Variants in FRYL observed in about 807,000 individuals in gnomAD.
FRYL encodes FRY like transcription coactivator.
A neutral mutation model predicts 351.2 loss-of-function variants in FRYL; 150 were observed. The observed-to-expected ratio is 0.43, with a 90% CI of 0.37 to 0.49. The LOEUF is 0.49. Among genes scored for constraint, FRYL ranks in the 20% least tolerant of loss-of-function variants. The pLI, the probability that FRYL is intolerant of heterozygous loss-of-function variation, is 0.00. For missense variants in FRYL, 3,036 were observed against 3,619.3 expected (o/e 0.84, Z 4.13); for synonymous variants, 1,153 against 1,257.1 (o/e 0.92, Z 1.75).
At position 48,561,505 on chromosome 4, in the gene FRYL, T is replaced by TG; in HGVS notation, c.3827dup (p.Arg1277LysfsTer5). On this transcript the variant is annotated frameshift_variant, in exon 33 of 64. Transcript: ENST00000358350. LOFTEE classifies it high-confidence loss of function. Reference sequence around the variant, plus strand: ...CGAGAGTTAGCTCAGGATACGCCCTTGCTAGTTCCTCGGACAACTGATAAT... The same window carrying TG: ...CGAGAGTTAGCTCAGGATACGCCCTTGGCTAGTTCCTCGGACAACTGATAAT... 2 of 1,611,078 alleles carry TG rather than the reference T, an allele frequency of 1.2e-6. No homozygotes were observed. Among genetic ancestry groups the TG allele is most frequent in the Non-Finnish European group, 1.7e-6 (2 of 1,178,188 alleles).
intron 19 of FRYL, among the ~76,000 whole-genome samples, chr4:48,584,022 T>C (rs1741528899): frequency 6.6e-6 from 1 of 151,972 alleles, no homozygotes; most frequent in Non-Finnish European, 1.5e-5. Context: ...ATCAAAACAA[T>C]ATGGGGCTTT....
chr4:48,652,204 G>A (rs1478477578), intron 3 of FRYL, among the ~76,000 whole-genome samples: 1 of 152,174 alleles, frequency 6.6e-6, no homozygotes, highest in Non-Finnish European at 1.5e-5. Context: ...TAGTTCACAA[G>A]TACCTAAACA....
In FRYL at chr4:48,567,336, T is replaced by C; in HGVS notation, c.3081A>G (p.Glu1027=). 1 of 1,612,850 alleles carries C rather than the reference T, an allele frequency of 6.2e-7. No individual in the cohort carries two copies. The highest frequency in any genetic ancestry group is 8.5e-7 in the Non-Finnish European group (1 of 1,179,290). ...EYVDLTRQLL[E]AENEKDSDTL... is the part of the protein sequence containing the mutation. The stretch of plus-strand genomic sequence containing the variant: ...TGTCAGAGTCTTTTTCATTTTCTGC[T>C]TCCAGGAGTTGTCTAGTTAAATCTA... Residue 1027 remains glutamate (E), a synonymous_variant, in exon 28 of 64, where the codon GAA becomes GAG. Coordinates refer to ENST00000358350, the MANE Select transcript of FRYL (RefSeq NM_015030.2). This position sits in a 1 kb window ranked among gnomAD's most constrained non-coding sequence, Gnocchi z 4.2.
chr4:48,664,425 T>C (rs897283189), intron 3 of FRYL, among the ~76,000 whole-genome samples: 1 of 152,192 alleles, frequency 6.6e-6, no homozygotes, highest in Admixed American at 6.5e-5. Context: ...AGGAAACAGA[T>C]TTCCAATTTT....
intron 1 of FRYL, among the ~76,000 whole-genome samples, chr4:48,778,079 C>G (rs1156616176): frequency 1.3e-5 from 2 of 152,184 alleles, no homozygotes; most frequent in African/African-American, 2.4e-5. Flanking sequence ...CACCTGTAGT[C>G]CCGGCTACTA....
At chr4:48,760,692 T>G (rs928275637) in intron 1 of FRYL, among the ~76,000 whole-genome samples, 1 of 152,134 alleles carries the variant, frequency 6.6e-6, no homozygotes, top group African/African-American at 2.4e-5. Flanking sequence ...ATTTATTTAT[T>G]TAGAGACAGA....
intron 3 of FRYL, among the ~76,000 whole-genome samples, chr4:48,643,327 TC>T (rs1282313794): frequency 6.6e-6 from 1 of 151,702 alleles, no homozygotes; most frequent in Admixed American, 6.6e-5. Flanking sequence ...GGAAAGGGGC[TC>T]CCTCCTACTA....
intron 3 of FRYL, among the ~76,000 whole-genome samples, chr4:48,677,689 G>A (rs1300125886): frequency 6.6e-6 from 1 of 152,158 alleles, no homozygotes; most frequent in Non-Finnish European, 1.5e-5. Context: ...GGGATTACAA[G>A]CGTGAGCCAC....
intron 3 of FRYL, among the ~76,000 whole-genome samples, chr4:48,644,154 C>G (rs1437444470): frequency 1.3e-5 from 2 of 152,108 alleles, no homozygotes; most frequent in African/African-American, 2.4e-5. Context: ...GTTGGTCAGG[C>G]TGATCTCGAA....
chr4:48,687,866 A>G (rs918190765), intron 2 of FRYL, among the ~76,000 whole-genome samples: 4 of 152,196 alleles, frequency 2.6e-5, no homozygotes, highest in African/African-American at 7.2e-5. Context: ...TGAGCTCAAC[A>G]TAAGGAAAAA....
intron 47 of FRYL, among the ~76,000 whole-genome samples, chr4:48,539,414 T>C (rs1229137044): frequency 2.0e-5 from 3 of 152,270 alleles, no homozygotes; most frequent in East Asian, 3.9e-4. Flanking sequence ...CCAGGGACCT[T>C]ACTTTGGTTT....
rs1310046070 is a variant in FRYL at position 48,723,978 on chromosome 4, A to T, written c.-383-13280T>A. Among the ~76,000 whole-genome samples, 10 of 150,126 alleles carry T rather than the reference A, an allele frequency of 6.7e-5. No individual in the cohort carries two copies. In the South Asian group the frequency reaches 2.1e-3, roughly 31 times the overall value. On this transcript the variant is annotated intron_variant, in intron 1 of 63. Transcript: ENST00000358350. ...AATAATAATAATAATAACAAAAAAA[A>T]TTAGGTGGGTGTGGTGGCACACACC...
intron 18 of FRYL, among the ~76,000 whole-genome samples, chr4:48,587,637 G>A (rs1429840607): frequency 1.8e-4 from 27 of 151,862 alleles, no homozygotes; most frequent in Middle Eastern, 3.4e-3. Context: ...TCCGCCTCCC[G>A]GGTTCAGGCG....
Position 48,774,298 on chromosome 4 carries a change from A to T in FRYL, c.-384+5780T>A, listed in dbSNP as rs112357798. ...AAAAAGCTGTCACTTTAAAATTTTAACTCTTCACAAAACTTAACATATCAA... is the reference window on the plus strand; with the variant it reads ...AAAAAGCTGTCACTTTAAAATTTTATCTCTTCACAAAACTTAACATATCAA... On this transcript the variant is annotated intron_variant, in intron 1 of 63. Transcript: ENST00000358350. 4.5e-3 allele frequency among the ~76,000 whole-genome samples: 680 copies of T among 152,246 alleles called. 4 individuals carry two copies. The highest frequency in any genetic ancestry group is 0.015 in the African/African-American group (632 of 41,550).
At chr4:48,621,402 T>G (rs1750621731) in intron 5 of FRYL, among the ~76,000 whole-genome samples, 1 of 152,218 alleles carries the variant, frequency 6.6e-6, no homozygotes, top group African/African-American at 2.4e-5. Context: ...TGGGGCATTC[T>G]TGAAATGATC....
chr4:48,565,195 G>C (rs748493799), intron 29 of FRYL, 152 bp from the exon 30 acceptor site: 2 of 509,956 alleles, frequency 3.9e-6, no homozygotes, highest in African/African-American at 4.0e-5. Flanking sequence ...TTTATTATGA[G>C]TAAGTAAATA....
At chr4:48,710,482 A>G (rs1266905288) in intron 2 of FRYL, 37 bp downstream of exon 2, 1 of 398,482 alleles carries the variant, frequency 2.5e-6, no homozygotes, top group East Asian at 3.6e-5. Context: ...AAAAAAGGAA[A>G]GAAGGCCTAG....
intron 3 of FRYL, among the ~76,000 whole-genome samples, chr4:48,679,967 T>C (rs181839951): frequency 6.6e-6 from 1 of 152,184 alleles, no homozygotes; most frequent in Admixed American, 6.5e-5. Flanking sequence ...TATAAGGAAT[T>C]GAATAAATCA....
intron 33 of FRYL, among the ~76,000 whole-genome samples, chr4:48,558,032 A>G (rs1734522922): frequency 6.6e-6 from 1 of 152,250 alleles, no homozygotes; most frequent in Non-Finnish European, 1.5e-5. Context: ...AAATAGAACT[A>G]TCATATGATC....
Sources: allele counts gnomAD v4.1 joint callset (sites outside exome capture counted in the v4.1 genomes callset), GRCh38; gene constraint gnomAD v4.1.1; non-coding constraint Gnocchi (gnomAD v3.1); transcripts MANE v1.5; gene names NCBI Gene and HGNC (gene_info 2026-07-23, HGNC 2026-07-21).